Variants in PID1 observed in about 807,000 individuals in gnomAD.
The protein encoded by PID1 is PTB-containing, cubilin and LRP1-interacting protein.
In PID1, 10 loss-of-function variants were observed where a neutral mutation model predicts 19.1. That is an observed-to-expected ratio of 0.52 (90% CI 0.32 to 0.89). The LOEUF (loss-of-function observed/expected upper bound fraction) is 0.89. Ranked by LOEUF, PID1 falls within the 40% of genes least tolerant of loss-of-function variation. The probability of loss-of-function intolerance (pLI) is 0.03; values close to 1 mark genes in which losing one functional copy is unlikely to be tolerated. For missense variants in PID1, 248 were observed against 285.3 expected (o/e 0.87, Z 0.94); for synonymous variants, 130 against 116.0 (o/e 1.12, Z -0.78).
intron 1 of PID1, among the ~76,000 whole-genome samples, chr2:229,245,920 T>A (rs1010369062): frequency 7.9e-5 from 12 of 152,180 alleles, no homozygotes; most frequent in African/African-American, 2.9e-4. Flanking sequence ...TTATCCTGCA[T>A]CCTTCATTTT....
chr2:229,175,052 C>T (rs754024556), intron 1 of PID1, among the ~76,000 whole-genome samples: 9 of 152,208 alleles, frequency 5.9e-5, no homozygotes, highest in Non-Finnish European at 8.8e-5. Flanking sequence ...AGCTTGCCAG[C>T]CATGGGAATA....
At chr2:229,224,278 G>C (rs10804352) in intron 1 of PID1, among the ~76,000 whole-genome samples, 150,748 of 152,316 alleles carry the variant, frequency 0.99, 74,609 homozygotes, top group East Asian at 1. Flanking sequence ...TTGGAGATTC[G>C]TCAAAGAACT....
At chr2:229,223,515 T>G (rs973138770) in intron 1 of PID1, among the ~76,000 whole-genome samples, 1 of 152,254 alleles carries the variant, frequency 6.6e-6, no homozygotes, top group Non-Finnish European at 1.5e-5. Context: ...ACTATTCACC[T>G]TATGGAAATC....
At chr2:229,089,114 GGA>G (rs150646992) in intron 2 of PID1, among the ~76,000 whole-genome samples, 3 of 151,924 alleles carry the variant, frequency 2.0e-5, no homozygotes, top group African/African-American at 7.3e-5. Context: ...AAGGAGTGAA[GGA>G]GAGAGAGAGA....
At chr2:229,078,245 G>A (rs1304874389) in intron 2 of PID1, among the ~76,000 whole-genome samples, 1 of 152,172 alleles carries the variant, frequency 6.6e-6, no homozygotes, top group African/African-American at 2.4e-5. Context: ...GCACATTGAT[G>A]TGGTATACTG....
intron 2 of PID1, among the ~76,000 whole-genome samples, chr2:229,063,117 C>T (rs567064006): frequency 1.3e-5 from 2 of 151,990 alleles, no homozygotes; most frequent in African/African-American, 2.4e-5. Context: ...ATATCTATTA[C>T]ATTTATTTCT....
intron 1 of PID1, among the ~76,000 whole-genome samples, chr2:229,171,109 G>A (rs879327587): frequency 8.5e-5 from 13 of 152,272 alleles, no homozygotes; most frequent in African/African-American, 2.2e-4. Flanking sequence ...CCCGCTCATC[G>A]GAACATAGCA....
At chr2:229,055,187 G>A (rs1195652367) in intron 2 of PID1, among the ~76,000 whole-genome samples, 1 of 152,146 alleles carries the variant, frequency 6.6e-6, no homozygotes. Context: ...ACATGCATGG[G>A]TGCCTGATGC....
intron 1 of PID1, among the ~76,000 whole-genome samples, chr2:229,234,261 G>C (rs1692276354): frequency 6.6e-6 from 1 of 152,164 alleles, no homozygotes. Context: ...ATTTAAAGCT[G>C]GTCAATTAAA....
chr2:229,113,199 C>G (rs2536217), intron 2 of PID1, among the ~76,000 whole-genome samples: 1 of 151,562 alleles, frequency 6.6e-6, no homozygotes, highest in African/African-American at 2.4e-5. Context: ...AGCAAGTTAC[C>G]GCGAACTCCT....
intron 2 of PID1, among the ~76,000 whole-genome samples, chr2:229,150,967 T>C (rs1410355712): frequency 6.6e-6 from 1 of 152,040 alleles, no homozygotes; most frequent in African/African-American, 2.4e-5. Context: ...TAAGAAAAGA[T>C]AACATCCCAA....
chr2:229,035,801 T>G (rs1693651359), intron 2 of PID1, among the ~76,000 whole-genome samples: 1 of 152,176 alleles, frequency 6.6e-6, no homozygotes, highest in African/African-American at 2.4e-5. Context: ...CAAGGCCTAG[T>G]CAGGGACAGC....
chr2:229,111,761 A>G (rs1447093725), intron 2 of PID1, among the ~76,000 whole-genome samples: 1 of 152,246 alleles, frequency 6.6e-6, no homozygotes, highest in African/African-American at 2.4e-5. Context: ...ATATACTGAT[A>G]GCGAAGTAAA....
At chr2:229,201,252 C>T (rs62191686) in intron 1 of PID1, among the ~76,000 whole-genome samples, 34,907 of 152,018 alleles carry the variant, frequency 0.23, 4,236 homozygotes, top group Non-Finnish European at 0.27. Flanking sequence ...CAAACTGAAA[C>T]GCTATGCTTA....
At chr2:229,118,054 C>T (rs1465957479) in intron 2 of PID1, among the ~76,000 whole-genome samples, 1 of 152,068 alleles carries the variant, frequency 6.6e-6, no homozygotes, top group Non-Finnish European at 1.5e-5. Flanking sequence ...TTTCTTTACT[C>T]CTATATCTTT....
At chr2:229,047,942 A>G (rs1019723099) in intron 2 of PID1, among the ~76,000 whole-genome samples, 2 of 152,222 alleles carry the variant, frequency 1.3e-5, no homozygotes, top group Non-Finnish European at 1.5e-5. Context: ...TCACAAAAAA[A>G]GAAAAGCAGG....
At chr2:229,058,575 A>G (rs960499026) in intron 2 of PID1, among the ~76,000 whole-genome samples, 23 of 152,296 alleles carry the variant, frequency 1.5e-4, no homozygotes, top group African/African-American at 5.3e-4. Flanking sequence ...TCTCTTGAGT[A>G]TATATTTTGA....
Position 229,154,112 on chromosome 2 carries a change from T to TA in PID1, c.177+1705_177+1706insT, listed in dbSNP as rs148069021. On this transcript the variant is annotated intron_variant, in intron 2 of 2. Coordinates refer to ENST00000392055, the MANE Select transcript of PID1 (RefSeq NM_001100818.2). The stretch of plus-strand genomic sequence containing the variant: ...AAGGCAGAGCCACTGACAATAGCTC[T>TA]TGGGAAGTTGGAAGTTCTCCTTATC... Among the ~76,000 whole-genome samples the TA allele has an allele frequency of 6.2e-4, 94 of 152,320 alleles. 1 individual carries two copies. The East Asian group carries it at 0.017, about 27-fold the overall frequency.
chr2:229,176,791 A>C (rs1690833052), intron 1 of PID1, among the ~76,000 whole-genome samples: 1 of 152,236 alleles, frequency 6.6e-6, no homozygotes, highest in Non-Finnish European at 1.5e-5. Context: ...ATCCAGCAGT[A>C]GGTGAAGAAA....
Sources: gnomAD v4.1 joint callset for allele counts (sites outside exome capture counted in the v4.1 genomes callset) on GRCh38, gnomAD v4.1.1 for gene constraint, MANE v1.5 for transcripts, NCBI Gene and HGNC (gene_info 2026-07-23, HGNC 2026-07-21) for gene names.